DPP10: variants seen among roughly 807,000 people sequenced by gnomAD.
The protein encoded by DPP10 is inactive dipeptidyl peptidase 10.
DPP10 carries 33 observed loss-of-function variants against 120.9 expected under a neutral mutation model. That is an observed-to-expected ratio of 0.27 (90% CI 0.21 to 0.37). The LOEUF (loss-of-function observed/expected upper bound fraction) is 0.37. Ranked by LOEUF, DPP10 falls within the 10% of genes least tolerant of loss-of-function variation. The probability of loss-of-function intolerance (pLI) is 1.00; values close to 1 mark genes in which losing one functional copy is unlikely to be tolerated. For synonymous variants in DPP10, 337 were observed against 326.1 expected (o/e 1.03, Z -0.36); for missense variants, 816 against 942.8 (o/e 0.87, Z 1.76).
At chr2:114,948,818 G>A (rs531493802) in intron 1 of DPP10, among the ~76,000 whole-genome samples, 8 of 152,232 alleles carry the variant, frequency 5.3e-5, no homozygotes, top group African/African-American at 1.2e-4. Context: ...CTGTGTGGCC[G>A]AGGAGGCTTC....
intron 1 of DPP10, among the ~76,000 whole-genome samples, chr2:114,477,863 A>T (rs1487967447): frequency 9.0e-6 from 1 of 110,796 alleles, no homozygotes; most frequent in Non-Finnish European, 2.2e-5. Context: ...AAATATATGT[A>T]TATATGTACA....
intron 1 of DPP10, among the ~76,000 whole-genome samples, chr2:115,154,383 A>G (rs1300440117): frequency 6.6e-6 from 1 of 152,136 alleles, no homozygotes; most frequent in Non-Finnish European, 1.5e-5. Context: ...GCTTTTACTT[A>G]ATGTTTTAGA....
At chr2:115,163,010 C>T (rs989260716) in intron 1 of DPP10, among the ~76,000 whole-genome samples, 6 of 152,038 alleles carry the variant, frequency 3.9e-5, no homozygotes, top group African/African-American at 1.4e-4. Flanking sequence ...GAGAGCTGCA[C>T]TTAGGTCAGG....
chr2:115,784,636 C>A (rs1683133402), intron 17 of DPP10, among the ~76,000 whole-genome samples: 1 of 152,098 alleles, frequency 6.6e-6, no homozygotes, highest in African/African-American at 2.4e-5. Flanking sequence ...CAGGTTCAAG[C>A]AATTCTCCTG....
intron 1 of DPP10, among the ~76,000 whole-genome samples, chr2:114,818,370 A>C (rs961566314): frequency 2.0e-5 from 3 of 152,154 alleles, no homozygotes; most frequent in African/African-American, 7.2e-5. Flanking sequence ...AACTCTTATT[A>C]TCAAATGATG....
At chr2:115,517,815 T>C (rs1209895982) in intron 4 of DPP10, among the ~76,000 whole-genome samples, 3 of 152,226 alleles carry the variant, frequency 2.0e-5, no homozygotes, top group African/African-American at 7.2e-5. Context: ...ATCTGCTAAA[T>C]AGATATCTGT....
chr2:114,870,367 A>G (rs1195921935), intron 1 of DPP10, among the ~76,000 whole-genome samples: 2 of 152,212 alleles, frequency 1.3e-5, no homozygotes, highest in Admixed American at 6.5e-5. Flanking sequence ...TATTCAATGA[A>G]TTCTATTTTT....
At chr2:115,701,632 A>T (rs896275239) in intron 7 of DPP10, among the ~76,000 whole-genome samples, 1 of 152,138 alleles carries the variant, frequency 6.6e-6, no homozygotes. Context: ...ACTTTTGTGC[A>T]TCAAGAACAC....
chr2:114,521,804 G>GTTTTT (rs758908081), intron 1 of DPP10, among the ~76,000 whole-genome samples: 9 of 112,756 alleles, frequency 8.0e-5, no homozygotes, highest in African/African-American at 1.0e-4. Flanking sequence ...ATTATCCAAG[G>GTTTTT]TTTTTTTTTT....
At chr2:115,133,145 G>GTGTGTGTATATATATATATATA (rs1338395575) in intron 1 of DPP10, among the ~76,000 whole-genome samples, 3 of 28,760 alleles carry the variant, frequency 1.0e-4, no homozygotes, top group African/African-American at 3.8e-4. Flanking sequence ...GTGTGTGTGT[G>GTGTGTGTATATATATATATATA]TATATATATA....
chr2:115,547,819 G>A (rs1000216829), intron 5 of DPP10, among the ~76,000 whole-genome samples: 4 of 151,314 alleles, frequency 2.6e-5, no homozygotes, highest in South Asian at 2.1e-4. Flanking sequence ...TGACAGAAGA[G>A]CTTGCATATT....
chr2:114,506,449 G>C (rs1683664325), intron 1 of DPP10, among the ~76,000 whole-genome samples: 1 of 152,138 alleles, frequency 6.6e-6, no homozygotes, highest in Non-Finnish European at 1.5e-5. Flanking sequence ...CTGGATGCCA[G>C]ACAAGAATTT....
chr2:115,749,527 A>G (rs867188815), intron 10 of DPP10, among the ~76,000 whole-genome samples: 46 of 152,102 alleles, frequency 3.0e-4, no homozygotes, highest in African/African-American at 1.0e-3. Context: ...CTATTTCTTT[A>G]AGTATATCTA....
intron 1 of DPP10, among the ~76,000 whole-genome samples, chr2:115,208,029 T>C (rs1164751266): frequency 6.6e-6 from 1 of 152,164 alleles, no homozygotes. Flanking sequence ...GACGATAGCA[T>C]TTTAGAGCTG....
intron 1 of DPP10, among the ~76,000 whole-genome samples, chr2:115,162,978 T>A (rs1020003453): frequency 6.6e-6 from 1 of 151,870 alleles, no homozygotes; most frequent in Non-Finnish European, 1.5e-5. Flanking sequence ...CACGTTTGCA[T>A]CAATTAGGAA....
intron 3 of DPP10, among the ~76,000 whole-genome samples, chr2:115,485,181 C>T (rs1021490943): frequency 1.3e-5 from 2 of 149,460 alleles, no homozygotes; most frequent in African/African-American, 2.5e-5. Context: ...CAATTTTAGG[C>T]TCATCAGCAT....
At chr2:115,691,828 ACT>A (rs1226286915) in intron 7 of DPP10, among the ~76,000 whole-genome samples, 1 of 151,850 alleles carries the variant, frequency 6.6e-6, no homozygotes, top group East Asian at 1.9e-4. Flanking sequence ...GTTATTTAAG[ACT>A]CTTAATATCT....
chr2:114,632,804 G>A (rs1192570601), intron 1 of DPP10, among the ~76,000 whole-genome samples: 4 of 152,064 alleles, frequency 2.6e-5, no homozygotes, highest in Non-Finnish European at 4.4e-5. Context: ...GAGCCACTGT[G>A]CCCGGCCAGG....
intron 1 of DPP10, among the ~76,000 whole-genome samples, chr2:114,661,547 C>A (rs1468580006): frequency 6.6e-6 from 1 of 152,180 alleles, no homozygotes; most frequent in Non-Finnish European, 1.5e-5. Flanking sequence ...TCAGGCAATA[C>A]AAGTCCACAC....
Sources: allele counts gnomAD v4.1 joint callset (sites outside exome capture counted in the v4.1 genomes callset), GRCh38; gene constraint gnomAD v4.1.1; transcripts MANE v1.5; gene names NCBI Gene and HGNC (gene_info 2026-07-23, HGNC 2026-07-21).